SEC24B: variants seen among roughly 807,000 people sequenced by gnomAD.
SEC24B encodes protein transport protein Sec24B.
Under a neutral mutation model 142.8 loss-of-function variants are expected in SEC24B, and 45 were observed. That is an observed-to-expected ratio of 0.32 (90% confidence interval 0.25 to 0.40). The LOEUF (loss-of-function observed/expected upper bound fraction) is 0.40, where lower values mean the gene tolerates loss of function less well. Ranked by LOEUF, SEC24B falls within the 10% of genes least tolerant of loss-of-function variation. The pLI, the probability that SEC24B is intolerant of heterozygous loss-of-function variation, is 1.00. For missense variants in SEC24B, 1,409 were observed against 1,526.8 expected, an observed-to-expected ratio of 0.92 and a Z score of 1.29; for synonymous variants, 574 against 568.2, an observed-to-expected ratio of 1.01 and a Z score of -0.15.
At chr4:109,467,384 A>G (rs1263200596) in intron 2 of SEC24B, among the ~76,000 whole-genome samples, 2 of 151,238 alleles carry the variant, frequency 1.3e-5, no homozygotes, top group Non-Finnish European at 2.9e-5. Flanking sequence ...GTGTTACATT[A>G]GTTGTTAAAG....
chr4:109,514,565 G>A (rs937974798), intron 10 of SEC24B, among the ~76,000 whole-genome samples: 5 of 152,170 alleles, frequency 3.3e-5, no homozygotes, highest in African/African-American at 4.8e-5. Flanking sequence ...TGGGCGTGGT[G>A]GTGCACGCCT....
chr4:109,507,691 G>A (rs1315785507), intron 7 of SEC24B, among the ~76,000 whole-genome samples: 2 of 151,778 alleles, frequency 1.3e-5, no homozygotes, highest in Non-Finnish European at 2.9e-5. Context: ...TGTTGCCCAG[G>A]CTGGAGTGCA....
intron 9 of SEC24B, among the ~76,000 whole-genome samples, chr4:109,512,555 T>C (rs1244512204): frequency 1.3e-5 from 2 of 152,308 alleles, no homozygotes; most frequent in African/African-American, 4.8e-5. Context: ...TCATTTGATA[T>C]AATAAATAGG....
chr4:109,493,110 A>G (rs1469922012), intron 5 of SEC24B, among the ~76,000 whole-genome samples: 1 of 152,084 alleles, frequency 6.6e-6, no homozygotes, highest in Non-Finnish European at 1.5e-5. Context: ...AGGGACAAGC[A>G]GGAGATCTAA....
In SEC24B at chr4:109,473,135, G is replaced by T; in HGVS notation, c.1009G>T (p.Val337Phe). Residue 337 changes from valine to phenylalanine, a missense_variant, in exon 3 of 24, where the codon GTT (valine) becomes TTT (phenylalanine). Val to Phe is a conservative substitution (Grantham distance 50, BLOSUM62 -1). Transcript: ENST00000265175. Reference sequence around the variant, plus strand: ...AACACCTCCCACTGCAAATCACCCAGTTGAGCCTGTGACCTCAGTTACACA... The same window carrying T: ...AACACCTCCCACTGCAAATCACCCATTTGAGCCTGTGACCTCAGTTACACA... ...TRTPPTANHP[V>F]EPVTSVTQPS... is the part of the protein sequence containing the mutation. 1 of 1,597,148 alleles carries T rather than the reference G, an allele frequency of 6.3e-7. No individual in the cohort carries two copies. The highest frequency in any genetic ancestry group is 8.5e-7 in the Non-Finnish European group (1 of 1,172,024).
intron 3 of SEC24B, among the ~76,000 whole-genome samples, chr4:109,475,991 T>TC (rs1491328333): frequency 1.8e-4 from 14 of 77,202 alleles, no homozygotes; most frequent in Non-Finnish European, 2.6e-4. Context: ...TCTCTCTCTC[T>TC]TTTTTTTTTT....
At chr4:109,537,231 A>T (rs1216032466) in intron 22 of SEC24B, among the ~76,000 whole-genome samples, 6 of 152,342 alleles carry the variant, frequency 3.9e-5, no homozygotes, top group African/African-American at 1.2e-4. Flanking sequence ...CAAAAATTTT[A>T]AAATTTGATA....
intron 8 of SEC24B, among the ~76,000 whole-genome samples, chr4:109,511,538 A>G (rs892757510): frequency 3.9e-5 from 6 of 152,188 alleles, no homozygotes; most frequent in African/African-American, 7.2e-5. Flanking sequence ...TTTTAAAGGC[A>G]CGTTGTGTTT....
intron 6 of SEC24B, among the ~76,000 whole-genome samples, chr4:109,498,664 C>T (rs559243846): frequency 6.6e-6 from 1 of 152,094 alleles, no homozygotes; most frequent in Non-Finnish European, 1.5e-5. Context: ...ACGCCTGGCT[C>T]ATTTATTTTT....
At chr4:109,492,721 T>G (rs1250481937) in intron 5 of SEC24B, among the ~76,000 whole-genome samples, 1 of 152,164 alleles carries the variant, frequency 6.6e-6, no homozygotes, top group Non-Finnish European at 1.5e-5. Flanking sequence ...AATATTATTC[T>G]TTCCTGAAGA....
chr4:109,468,016 A>C (rs1484844788), intron 2 of SEC24B, among the ~76,000 whole-genome samples: 1 of 152,244 alleles, frequency 6.6e-6, no homozygotes, highest in Admixed American at 6.5e-5. Flanking sequence ...CTGATAAGTT[A>C]ATACTGTATC....
At chr4:109,509,425 G>A (rs1737063928) in intron 7 of SEC24B, among the ~76,000 whole-genome samples, 2 of 152,128 alleles carry the variant, frequency 1.3e-5, no homozygotes, top group Admixed American at 1.3e-4. Flanking sequence ...TGTAATCCTA[G>A]CACTTTGGAA....
At chr4:109,482,865 C>G (rs111623990) in intron 4 of SEC24B, among the ~76,000 whole-genome samples, 73 of 142,840 alleles carry the variant, frequency 5.1e-4, no homozygotes, top group African/African-American at 1.8e-3. Flanking sequence ...CTCCTGCACT[C>G]AGGGAATCCG....
At position 109,531,419 on chromosome 4, in the gene SEC24B, A is replaced by G; in HGVS notation, c.3287A>G (p.Asp1096Gly). 6.2e-7 allele frequency: 1 copy of G among 1,613,412 alleles called. No homozygotes were observed. The highest frequency in any genetic ancestry group is 1.1e-5 in the South Asian group (1 of 91,038). The change falls in exon 20 of 24, where the codon GAT (aspartate) becomes GGT (glycine). Residue 1096 changes from aspartate (D) to glycine (G), a missense_variant. By Grantham distance (94) the Asp-to-Gly change is moderately conservative. This residue lies in a region of SEC24B where 700 missense variants were observed against 853.3 expected (regional missense o/e 0.82). Transcript: ENST00000265175. ...AFRTGTSTRLDDRVYAMCQIK... is the reference protein window; with the variant it reads ...AFRTGTSTRLGDRVYAMCQIK... ...AGAACGGGTACAAGCACACGGCTGGATGATCGTGTATATGCCATGTGTCAG... is the reference window on the plus strand; with the variant it reads ...AGAACGGGTACAAGCACACGGCTGGGTGATCGTGTATATGCCATGTGTCAG...
Position 109,526,331 on chromosome 4 carries a change from T to C in SEC24B, c.2897T>C (p.Ile966Thr), listed in dbSNP as rs754481108. 7.4e-6 allele frequency: 12 copies of C among 1,613,882 alleles called. No homozygotes were observed. The highest frequency in any genetic ancestry group is 2.2e-5 in the East Asian group (1 of 44,868). The change falls in exon 17 of 24, where the codon ATT (isoleucine) becomes ACT (threonine). Residue 966 changes from isoleucine to threonine, a missense_variant. This residue lies in a region of SEC24B where 700 missense variants were observed against 853.3 expected (regional missense o/e 0.82). Coordinates refer to ENST00000265175, the MANE Select transcript of SEC24B (RefSeq NM_006323.5). The stretch of plus-strand genomic sequence containing the variant: ...GCTGGATTTGCGGTGCAGTTGTCAA[T>C]TGAAGAAAGTTTAACAGATACTTCC... ...PDAGFAVQLS[I>T]EESLTDTSLV...
intron 1 of SEC24B, among the ~76,000 whole-genome samples, chr4:109,462,467 G>A: frequency 6.6e-6 from 1 of 152,130 alleles, no homozygotes; most frequent in East Asian, 1.9e-4. Flanking sequence ...CGTGGTTGTT[G>A]GCAGATCTTA....
At chr4:109,434,860 C>T (rs1299227569) in intron 1 of SEC24B, among the ~76,000 whole-genome samples, 1 of 152,146 alleles carries the variant, frequency 6.6e-6, no homozygotes, top group Non-Finnish European at 1.5e-5. Context: ...ATATTAAGGT[C>T]GTGGGCTTTT....
chr4:109,526,197 T>C (rs1330326660), intron 16 of SEC24B, 29 bp from the exon 17 acceptor site: 1 of 1,606,238 alleles, frequency 6.2e-7, no homozygotes, highest in South Asian at 1.1e-5. Context: ...TATTGTTAAC[T>C]TGATTTTTTA....
intron 9 of SEC24B, among the ~76,000 whole-genome samples, chr4:109,513,377 A>G (rs1578949673): frequency 6.8e-6 from 1 of 146,928 alleles, no homozygotes; most frequent in Admixed American, 6.8e-5. Context: ...TCTGCCTCCC[A>G]GGTTCAAGCA....
Sources: allele counts gnomAD v4.1 joint callset (sites outside exome capture counted in the v4.1 genomes callset), GRCh38; gene constraint gnomAD v4.1.1; regional missense constraint gnomAD v4.1.1; transcripts MANE v1.5; gene names NCBI Gene and HGNC (gene_info 2026-07-23, HGNC 2026-07-21).